AFF3: variants seen among roughly 807,000 people sequenced by gnomAD.
AFF3 encodes the protein AF4/FMR2 family member 3.
Under a neutral mutation model 129.7 loss-of-function variants are expected in AFF3, and 32 were observed. That is an observed-to-expected ratio of 0.25 (90% confidence interval 0.19 to 0.33). AFF3 has a LOEUF of 0.33. Ranked by LOEUF, AFF3 falls within the 10% of genes least tolerant of loss-of-function variation. The probability of loss-of-function intolerance (pLI) is 1.00; values close to 1 mark genes in which losing one functional copy is unlikely to be tolerated. For missense variants in AFF3, 1,373 were observed against 1,592.0 expected, an observed-to-expected ratio of 0.86 and a Z score of 2.34; for synonymous variants, 644 against 635.4, an observed-to-expected ratio of 1.01 and a Z score of -0.20.
intron 4 of AFF3, among the ~76,000 whole-genome samples, chr2:100,088,787 A>G (rs973602374): frequency 7.9e-5 from 12 of 152,058 alleles, no homozygotes; most frequent in Admixed American, 4.6e-4. Flanking sequence ...CATAAACTGG[A>G]AAGTAACGGC....
At chr2:99,956,294 G>A (rs1295092100) in intron 7 of AFF3, among the ~76,000 whole-genome samples, 3 of 152,170 alleles carry the variant, frequency 2.0e-5, no homozygotes, top group Admixed American at 2.0e-4. Flanking sequence ...AAAGGAGGAA[G>A]ACACTATTAG....
At chr2:99,892,258 A>C (rs1693625669) in intron 7 of AFF3, among the ~76,000 whole-genome samples, 1 of 152,246 alleles carries the variant, frequency 6.6e-6, no homozygotes, top group South Asian at 2.1e-4. Flanking sequence ...AAACATATTA[A>C]GCCATTTTTA....
At chr2:99,873,563 CAT>C (rs1372639838) in intron 7 of AFF3, among the ~76,000 whole-genome samples, 1 of 152,144 alleles carries the variant, frequency 6.6e-6, no homozygotes, top group African/African-American at 2.4e-5. Context: ...ATTCGCAGTA[CAT>C]GTCCTGCAGG....
intron 8 of AFF3, among the ~76,000 whole-genome samples, chr2:99,789,638 T>C (rs1431295861): frequency 6.6e-6 from 1 of 152,018 alleles, no homozygotes; most frequent in African/African-American, 2.4e-5. Context: ...AGCCTCTTCC[T>C]GCCTCTGGCC....
chr2:99,563,363 TG>T (rs1252217964), intron 20 of AFF3, among the ~76,000 whole-genome samples: 1 of 151,652 alleles, frequency 6.6e-6, no homozygotes, highest in Non-Finnish European at 1.5e-5. Context: ...GCTAATTTTT[TG>T]TATTTTTAGT....
intron 7 of AFF3, among the ~76,000 whole-genome samples, chr2:99,925,675 A>G (rs1205374087): frequency 1.3e-5 from 2 of 152,204 alleles, no homozygotes; most frequent in Non-Finnish European, 2.9e-5. Context: ...CACAGGGTTC[A>G]AGTCCTGGCC....
chr2:99,961,043 C>T (rs1677165814), intron 7 of AFF3, among the ~76,000 whole-genome samples: 1 of 152,206 alleles, frequency 6.6e-6, no homozygotes, highest in African/African-American at 2.4e-5. Flanking sequence ...TTGAGCCAGC[C>T]AGATACCCTT....
At chr2:99,829,614 A>C (rs1576121584) in intron 8 of AFF3, among the ~76,000 whole-genome samples, 1 of 152,248 alleles carries the variant, frequency 6.6e-6, no homozygotes, top group African/African-American at 2.4e-5. Context: ...AATGGAGATC[A>C]TTAAAAAGTC....
At chr2:99,645,488 C>T (rs1245024090) in intron 13 of AFF3, among the ~76,000 whole-genome samples, 1 of 152,088 alleles carries the variant, frequency 6.6e-6, no homozygotes, top group East Asian at 1.9e-4. Context: ...TTCTACTGTC[C>T]AGAGTAGAAA....
intron 11 of AFF3, among the ~76,000 whole-genome samples, chr2:99,690,476 C>T (rs6758962): frequency 0.49 from 74,995 of 151,740 alleles, 18,648 homozygotes; most frequent in East Asian, 0.66. Context: ...CCACCACGCT[C>T]GGCCAATAAC....
At chr2:99,818,567 C>A (rs1279299038) in intron 8 of AFF3, among the ~76,000 whole-genome samples, 1 of 152,122 alleles carries the variant, frequency 6.6e-6, no homozygotes, top group East Asian at 1.9e-4. Flanking sequence ...CAAGTCCAAG[C>A]AAATTTCTGA....
intron 10 of AFF3, among the ~76,000 whole-genome samples, chr2:99,740,118 T>C (rs368108547): frequency 6.6e-6 from 1 of 151,792 alleles, no homozygotes; most frequent in Non-Finnish European, 1.5e-5. Flanking sequence ...CAATTTCATC[T>C]ATGTCCCTAC....
intron 7 of AFF3, among the ~76,000 whole-genome samples, chr2:99,891,031 G>A (rs945266492): frequency 2.6e-5 from 4 of 152,208 alleles, no homozygotes; most frequent in Non-Finnish European, 4.4e-5. Flanking sequence ...TGCCACACAC[G>A]GTGGGGGTCA....
chr2:100,121,063 G>C (rs1348810190), intron 2 of AFF3, among the ~76,000 whole-genome samples: 2 of 152,198 alleles, frequency 1.3e-5, no homozygotes, highest in Non-Finnish European at 2.9e-5. Context: ...CAAATGATAG[G>C]GACAGGAGGC....
chr2:100,054,936 T>C (rs1324807403), intron 4 of AFF3, among the ~76,000 whole-genome samples: 1 of 151,934 alleles, frequency 6.6e-6, no homozygotes, highest in Non-Finnish European at 1.5e-5. Context: ...CCACAAAGAG[T>C]GTTTCTCCAA....
At chr2:100,090,706 T>C (rs533031058) in intron 4 of AFF3, among the ~76,000 whole-genome samples, 12 of 152,232 alleles carry the variant, frequency 7.9e-5, no homozygotes, top group South Asian at 4.2e-4. Context: ...AGAAGGAGTC[T>C]CGCTGTGACA....
In AFF3 at chr2:100,105,523, G is replaced by A; in HGVS notation, c.-84C>T. 1 of 1,331,486 alleles carries A rather than the reference G, an allele frequency of 7.5e-7. No homozygotes were observed. Among genetic ancestry groups the A allele is most frequent in the Non-Finnish European group, 1.0e-6 (1 of 1,004,756 alleles). The allele number at this position is 1,331,486 out of a possible 1,614,324, so 82.5% of individuals were successfully genotyped here. A position where few individuals can be genotyped will look rare whatever the true frequency, so the allele number is the denominator to read the frequency against. ...TCTCACCGGGAAGGGGGACAAACTGGCCTCTGGGTGTCGACTTCAAACTTG... is the reference window on the plus strand; with the variant it reads ...TCTCACCGGGAAGGGGGACAAACTGACCTCTGGGTGTCGACTTCAAACTTG... On this transcript the variant is annotated 5_prime_UTR_variant, in exon 3 of 25. Coordinates refer to ENST00000672756, the MANE Select transcript of AFF3 (RefSeq NM_001386135.1).
intron 13 of AFF3, among the ~76,000 whole-genome samples, chr2:99,633,320 A>T (rs962040799): frequency 6.6e-6 from 1 of 152,080 alleles, no homozygotes; most frequent in African/African-American, 2.4e-5. Context: ...AGCAGTGATG[A>T]GGGTCACCAA....
chr2:99,578,580 TG>T, intron 17 of AFF3, 129 bp from the exon 18 acceptor site: 1 of 1,382,922 alleles, frequency 7.2e-7, no homozygotes, highest in Admixed American at 2.8e-5. Flanking sequence ...TTAGAATTGA[TG>T]GTGATTTTGT....
Sources: allele counts gnomAD v4.1 joint callset (sites outside exome capture counted in the v4.1 genomes callset), GRCh38; gene constraint gnomAD v4.1.1; transcripts MANE v1.5; gene names NCBI Gene and HGNC (gene_info 2026-07-23, HGNC 2026-07-21).